The following OR4K1 variants were observed in gnomAD, a reference collection of about 807,000 sequenced individuals.
OR4K1 encodes the protein olfactory receptor family 4 subfamily K member 1, also known as olfactory receptor 4K1.
Under a neutral mutation model 14.4 loss-of-function variants are expected in OR4K1, and 16 were observed. The ratio of observed to expected loss-of-function variants is 1.11; its 90% CI spans 0.75 to 1.68. OR4K1 has a LOEUF of 1.68. Among genes scored for constraint, OR4K1 ranks in the 40% most tolerant of loss-of-function variants. The probability of loss-of-function intolerance (pLI) is 0.00; values close to 1 mark genes in which losing one functional copy is unlikely to be tolerated. For synonymous variants in OR4K1, 181 were observed against 133.1 expected, an observed-to-expected ratio of 1.36 and a Z score of -2.48; for missense variants, 548 against 376.9, an observed-to-expected ratio of 1.45 and a Z score of -3.76.
At position 19,935,848 on chromosome 14, in the gene OR4K1, T is replaced by G. The variant is rs1882298905; in HGVS notation, c.182T>G (p.Phe61Cys). 1 of 1,614,148 alleles carries G rather than the reference T, an allele frequency of 6.2e-7. No individual in the cohort carries two copies. Among genetic ancestry groups the G allele is most frequent in the African/African-American group, 1.3e-5 (1 of 74,950 alleles). ...TCCCATTTGAACTCTCCTATGTACT[T>G]CTTGCTCAGTAATCTTTCTTTCATT... ...FDSHLNSPMY[F>C]LLSNLSFIDI... The change falls in exon 2 of 2, where the codon TTC becomes TGC. Residue 61 changes from phenylalanine (F) to cysteine (C), a missense_variant. Coordinates refer to ENST00000641172, the MANE Select transcript of OR4K1 (RefSeq NM_001004063.3).
Position 19,935,842 on chromosome 14 carries a change from T to C in OR4K1, c.176T>C (p.Met59Thr), listed in dbSNP as rs568195741. ...ISFDSHLNSP[M>T]YFLLSNLSFI... ...TTTGACTCCCATTTGAACTCTCCTA[T>C]GTACTTCTTGCTCAGTAATCTTTCT... is the stretch of plus-strand genomic sequence containing the variant. Residue 59 changes from methionine (M) to threonine (T), a missense_variant, in exon 2 of 2, where the codon ATG becomes ACG. Coordinates refer to ENST00000641172, the MANE Select transcript of OR4K1 (RefSeq NM_001004063.3). The C allele has an allele frequency of 1.3e-4, 215 of 1,614,178 alleles. 1 individual carries two copies. In the South Asian group the frequency reaches 2.2e-3, roughly 17 times the overall value.
upstream of OR4K1, among the ~76,000 whole-genome samples, chr14:19,930,526 T>C (rs961582946): frequency 2.6e-5 from 4 of 152,210 alleles, no homozygotes; most frequent in African/African-American, 9.6e-5. Context: ...GAGCACAGAC[T>C]GAACTGTCTT....
At chr14:19,921,727 G>A in the OR4K1 span, 1 of 854,622 alleles carries the variant, frequency 1.2e-6, no homozygotes, top group South Asian at 2.2e-5. Context: ...TAGGTATCAA[G>A]TGAAAGTTAA....
intron 1 of OR4K1, among the ~76,000 whole-genome samples, chr14:19,934,755 C>T (rs1013713606): frequency 2.6e-5 from 4 of 152,020 alleles, no homozygotes; most frequent in Non-Finnish European, 4.4e-5. Flanking sequence ...ACTGCAACCT[C>T]CGCCTCCCAG....
At chr14:19,934,817 CCCA>C (rs1320977755) in intron 1 of OR4K1, among the ~76,000 whole-genome samples, 11 of 152,112 alleles carry the variant, frequency 7.2e-5, no homozygotes, top group African/African-American at 2.4e-4. Context: ...AATACAGGTG[CCCA>C]CCACCACGCC....
the OR4K1 span, chr14:19,920,681 T>C: frequency 6.2e-6 from 10 of 1,613,876 alleles, no homozygotes; most frequent in Non-Finnish European, 5.9e-6. Flanking sequence ...AACTCCAGCT[T>C]TTCTATTTTT....
the OR4K1 span, chr14:19,921,720 G>T: frequency 4.6e-5 from 41 of 888,246 alleles, no homozygotes; most frequent in Admixed American, 1.4e-4. Flanking sequence ...CTTTTTCTAG[G>T]TATCAAGTGA....
the OR4K1 span, among the ~76,000 whole-genome samples, chr14:19,920,266 G>T: frequency 6.6e-6 from 1 of 152,328 alleles, no homozygotes; most frequent in Non-Finnish European, 1.5e-5. Context: ...TGTGGAGCTG[G>T]ACTCTAGGTC....
At chr14:19,926,908 A>C (rs1882074082), upstream of OR4K1, among the ~76,000 whole-genome samples, 1 of 152,272 alleles carries the variant, frequency 6.6e-6, no homozygotes, top group South Asian at 2.1e-4. Context: ...ACTATTTAAA[A>C]ATAGATCTTA....
At chr14:19,928,534 ATTTG>A (rs1247575545), upstream of OR4K1, among the ~76,000 whole-genome samples, 5 of 152,004 alleles carry the variant, frequency 3.3e-5, no homozygotes, top group East Asian at 1.9e-4. Flanking sequence ...TAAAATTCCT[ATTTG>A]TTTATTTTAC....
At chr14:19,930,007 C>T (rs138170756), upstream of OR4K1, among the ~76,000 whole-genome samples, 35 of 152,232 alleles carry the variant, frequency 2.3e-4, no homozygotes, top group Middle Eastern at 3.4e-3. Context: ...CAATCTTTAA[C>T]TTTTTTTCCC....
At chr14:19,930,151 G>GT (rs1172210555), upstream of OR4K1, among the ~76,000 whole-genome samples, 3 of 152,012 alleles carry the variant, frequency 2.0e-5, no homozygotes, top group Non-Finnish European at 4.4e-5. Context: ...ATGTACTTAG[G>GT]TTTTTTCCAG....
upstream of OR4K1, among the ~76,000 whole-genome samples, chr14:19,929,889 A>G (rs1353878849): frequency 6.6e-6 from 1 of 152,200 alleles, no homozygotes; most frequent in African/African-American, 2.4e-5. Context: ...TAAGATGCTA[A>G]ATTAGGCTTT....
At position 19,936,691 on chromosome 14, in the gene OR4K1, T is replaced by A. The variant is rs1390891679; in HGVS notation, c.*89T>A. ...ATGCCAACCATCTTTGCCAGACATA[T>A]GGGTTATTGAGTTACAGAATTGGCT... On this transcript the variant is annotated 3_prime_UTR_variant, in exon 2 of 2. Coordinates refer to ENST00000641172, the MANE Select transcript of OR4K1 (RefSeq NM_001004063.3). 1.4e-5 allele frequency: 17 copies of A among 1,231,122 alleles called. No homozygotes were observed. The highest frequency in any genetic ancestry group is 1.8e-5 in the Non-Finnish European group (16 of 900,814). The allele number at this position is 1,231,122 out of a possible 1,614,324, so 76.3% of individuals were successfully genotyped here.
Position 19,935,852 on chromosome 14 carries a change from G to T in OR4K1, c.186G>T (p.Leu62Phe), listed in dbSNP as rs1314022917. The change falls in exon 2 of 2, where the codon TTG becomes TTT. Residue 62 changes from leucine to phenylalanine, a missense_variant. Leu to Phe is a conservative substitution (Grantham distance 22). Coordinates refer to ENST00000641172, the MANE Select transcript of OR4K1 (RefSeq NM_001004063.3). Reference protein sequence around the residue: ...DSHLNSPMYFLLSNLSFIDIC... With the variant: ...DSHLNSPMYFFLSNLSFIDIC... ...ATTTGAACTCTCCTATGTACTTCTT[G>T]CTCAGTAATCTTTCTTTCATTGATA... 2.5e-6 allele frequency: 4 copies of T among 1,614,032 alleles called. No homozygotes were observed. The African/African-American group carries it at 5.3e-5, about 22-fold the overall frequency.
upstream of OR4K1, among the ~76,000 whole-genome samples, chr14:19,927,629 G>A (rs1466077367): frequency 2.6e-5 from 4 of 152,198 alleles, no homozygotes; most frequent in African/African-American, 9.7e-5. Context: ...CTGAATGCTT[G>A]GTCTGTTGGC....
the OR4K1 span, among the ~76,000 whole-genome samples, chr14:19,924,089 T>G: frequency 2.6e-5 from 4 of 152,210 alleles, no homozygotes. Flanking sequence ...AATTCATCTA[T>G]GACATGCTTG....
chr14:19,929,880 A>G (rs773830813), upstream of OR4K1, among the ~76,000 whole-genome samples: 1 of 152,220 alleles, frequency 6.6e-6, no homozygotes, highest in Non-Finnish European at 1.5e-5. Context: ...TATCTCCCTT[A>G]AGATGCTAAA....
rs1221573557 is a variant in OR4K1 at position 19,935,709 on chromosome 14, T to C, written c.43T>C (p.Leu15=). The C allele has an allele frequency of 6.2e-7, 1 of 1,612,550 alleles. No homozygotes were observed. The highest frequency in any genetic ancestry group is 8.5e-7 in the Non-Finnish European group (1 of 1,179,698). The change falls in exon 2 of 2, where the codon TTG becomes CTG. Residue 15 remains leucine (L), a synonymous_variant. Transcript: ENST00000641172. ...NESMVSEFVL[L]GLSNSWGLQL... The stretch of plus-strand genomic sequence containing the variant: ...ATCGATGGTGTCTGAGTTTGTACTT[T>C]TGGGACTCTCTAATTCCTGGGGACT...
Sources: allele counts gnomAD v4.1 joint callset (sites outside exome capture counted in the v4.1 genomes callset), GRCh38; gene constraint gnomAD v4.1.1; transcripts MANE v1.5; gene names NCBI Gene and HGNC (gene_info 2026-07-23, HGNC 2026-07-21).